MELTF: variants seen among roughly 807,000 people sequenced by gnomAD.
MELTF encodes melanotransferrin, also known as antigen p97 (melanoma associated) identified by monoclonal antibodies 133.2 and 96.5.
A neutral mutation model predicts 83.7 loss-of-function variants in MELTF; 67 were observed. That is an observed-to-expected ratio of 0.80 (90% CI 0.66 to 0.98). The LOEUF (loss-of-function observed/expected upper bound fraction) is 0.98. Ranked by LOEUF, MELTF falls within the 50% of genes least tolerant of loss-of-function variation. MELTF has a pLI of 0.00. For missense variants in MELTF, 1,002 were observed against 1,035.6 expected, an observed-to-expected ratio of 0.97 and a Z score of 0.44; for synonymous variants, 462 against 447.6, an observed-to-expected ratio of 1.03 and a Z score of -0.41.
chr3:197,015,190 G>A (rs950124589), intron 9 of MELTF, among the ~76,000 whole-genome samples, 175 bp downstream of exon 9: 1 of 152,202 alleles, frequency 6.6e-6, no homozygotes, highest in Non-Finnish European at 1.5e-5. Flanking sequence ...GCCTGTCTCT[G>A]TCCCCTGGGG....
chr3:197,026,625 A>G, intron 3 of MELTF, 35 bp downstream of exon 3: 1 of 1,585,890 alleles, frequency 6.3e-7, no homozygotes, highest in Non-Finnish European at 8.6e-7. Flanking sequence ...CTTCCAGCGC[A>G]GGCTGTCCTC....
At chr3:197,025,488 TTC>T (rs1235470504) in intron 3 of MELTF, 1 of 152,376 alleles carries the variant, frequency 6.6e-6, no homozygotes, top group East Asian at 1.9e-4. Context: ...AACCCTCGTT[TTC>T]TCTGTCCTGC....
intron 9 of MELTF, among the ~76,000 whole-genome samples, 153 bp from the exon 10 acceptor site, chr3:197,010,947 G>A (rs1719167126): frequency 6.6e-6 from 1 of 152,210 alleles, no homozygotes; most frequent in Admixed American, 6.5e-5. Flanking sequence ...ACCCCATCCT[G>A]GCAGTCTGTC....
rs564759720 is a variant in MELTF, at chr3:197,025,385, C to T, written c.305-900G>A. ...TCACCCGCCTTGTTTCTTACCAATC[C>T]TCTGGACCGCCTGAGATGGTTGCGG... On this transcript the variant is annotated intron_variant, in intron 3 of 15. Coordinates refer to ENST00000296350, the MANE Select transcript of MELTF (RefSeq NM_005929.6). Among the ~76,000 whole-genome samples the T allele has an allele frequency of 6.6e-5, 10 of 152,372 alleles. No individual in the cohort carries two copies. The East Asian group carries it at 1.3e-3, about 21-fold the overall frequency.
At chr3:197,027,393 C>G (rs1034336222) in intron 2 of MELTF, among the ~76,000 whole-genome samples, 1 of 152,260 alleles carries the variant, frequency 6.6e-6, no homozygotes, top group Admixed American at 6.5e-5. Context: ...GCTCCTCCTT[C>G]CCCAGAAACC....
rs1718801583 is a variant in MELTF, at chr3:197,002,981, C to A, written c.*391G>T. The stretch of plus-strand genomic sequence containing the variant: ...TGGCCGCGGCCTGCGGGTGTAGGCG[C>A]CTCGGCGGCCACCGCGTCCCCAGGG... On this transcript the variant is annotated 3_prime_UTR_variant, in exon 16 of 16. Coordinates refer to ENST00000296350, the MANE Select transcript of MELTF (RefSeq NM_005929.6). 1 of 150,606 alleles carries A rather than the reference C, an allele frequency of 6.6e-6. No individual in the cohort carries two copies. The highest frequency in any genetic ancestry group is 1.5e-5 in the Non-Finnish European group (1 of 67,518). The allele number at this position is 150,606 out of a possible 1,614,324, so 9.3% of individuals were successfully genotyped here. A position where few individuals can be genotyped will look rare whatever the true frequency, so the allele number is the denominator to read the frequency against.
intron 6 of MELTF, among the ~76,000 whole-genome samples, chr3:197,017,667 G>A (rs890342069): frequency 3.9e-5 from 6 of 152,154 alleles, no homozygotes; most frequent in Admixed American, 2.6e-4. Flanking sequence ...CACGAGGTCA[G>A]GAGATCAAGA....
chr3:197,003,181 G>T lies in MELTF; in HGVS notation c.*191C>A. 2 of 532,776 alleles carry T rather than the reference G, an allele frequency of 3.8e-6. No homozygotes were observed. The highest frequency in any genetic ancestry group is 2.1e-5 in the African/African-American group (1 of 48,346). The allele number at this position is 532,776 out of a possible 1,614,324, so 33.0% of individuals were successfully genotyped here. A position where few individuals can be genotyped will look rare whatever the true frequency, so the allele number is the denominator to read the frequency against. On this transcript the variant is annotated 3_prime_UTR_variant, in exon 16 of 16. Coordinates refer to ENST00000296350, the MANE Select transcript of MELTF (RefSeq NM_005929.6). This position sits in a 1 kb window ranked among gnomAD's most constrained non-coding sequence, Gnocchi z 6.2. ...GAGGCGGCGGTTGGCGGGAAGGGCC[G>T]CGCGGGCCCGGGGGCGGCGCCTCAG...
Position 197,022,822 on chromosome 3 carries a change from G to A in MELTF, c.644+135C>T. 1.2e-6 allele frequency: 1 copy of A among 804,544 alleles called. No homozygotes were observed. The highest frequency in any genetic ancestry group is 1.7e-5 in the South Asian group (1 of 58,948). 49.8% of individuals were successfully genotyped at this position (804,544 alleles called of 1,614,324 possible). ...TAACCAGGGCACAGAACTATATAAA[G>A]GGTGCTTTGATGAGACGCAGCCAAC... On this transcript the variant is annotated intron_variant, in intron 5 of 15. Coordinates refer to ENST00000296350, the MANE Select transcript of MELTF (RefSeq NM_005929.6). The surrounding 1 kb of genome is among the most constrained non-coding windows in gnomAD (Gnocchi z 5.1).
intron 9 of MELTF, among the ~76,000 whole-genome samples, chr3:197,012,145 G>A (rs1379720858): frequency 6.6e-6 from 1 of 152,176 alleles, no homozygotes; most frequent in African/African-American, 2.4e-5. Flanking sequence ...GAACACCCCC[G>A]CCTCGGGCCT....
At chr3:197,017,015 G>A in intron 7 of MELTF, 88 bp downstream of exon 7, 1 of 1,405,494 alleles carries the variant, frequency 7.1e-7, no homozygotes, top group Non-Finnish European at 9.8e-7. Flanking sequence ...TCTGGGTCCT[G>A]CCCCTCCTGG....
chr3:197,021,520 C>A (rs763098824), intron 5 of MELTF, 49 bp from the exon 6 acceptor site: 2 of 1,569,610 alleles, frequency 1.3e-6, no homozygotes, highest in South Asian at 1.1e-5. Context: ...CCTGCCCCTG[C>A]CCATCTTCCA....
At chr3:197,019,506 G>C (rs1400821382) in intron 6 of MELTF, 6 of 1,503,166 alleles carry the variant, frequency 4.0e-6, no homozygotes, top group Non-Finnish European at 5.4e-6. Context: ...AGGAGGCTGA[G>C]ATGCGAGGAT....
chr3:197,004,445 T>C (rs1718904742), intron 14 of MELTF: 8 of 361,452 alleles, frequency 2.2e-5, no homozygotes, highest in South Asian at 7.7e-5. Flanking sequence ...CTAGGCCTGC[T>C]GAGCACTTCT....
chr3:197,026,490 T>G, intron 3 of MELTF, 170 bp downstream of exon 3: 1 of 617,424 alleles, frequency 1.6e-6, no homozygotes, highest in Non-Finnish European at 2.9e-6. Flanking sequence ...TCCCTGGAGC[T>G]CCTGTCCCTG....
In MELTF at chr3:197,024,181, G is replaced by A. The variant is rs56046911; in HGVS notation, c.487+122C>T. On this transcript the variant is annotated intron_variant, in intron 4 of 15. Transcript: ENST00000296350. This position sits in a 1 kb window ranked among gnomAD's most constrained non-coding sequence, Gnocchi z 5.3. Reference sequence around the variant, plus strand: ...GCACGGGGCGGGCGGGGGCTGCTGCGCCTTCCAGGAATGAAGAATGGTGGC... The same window carrying A: ...GCACGGGGCGGGCGGGGGCTGCTGCACCTTCCAGGAATGAAGAATGGTGGC... 63,996 of 1,129,158 alleles carry A rather than the reference G, an allele frequency of 0.057. 2,220 individuals carry two copies. Among genetic ancestry groups the A allele is most frequent in the Non-Finnish European group, 0.068 (54,729 of 804,542 alleles). The allele number at this position is 1,129,158 out of a possible 1,614,324, so 69.9% of individuals were successfully genotyped here.
chr3:197,010,937 A>G, intron 9 of MELTF, 143 bp from the exon 10 acceptor site: 1 of 697,778 alleles, frequency 1.4e-6, no homozygotes, highest in Admixed American at 2.3e-5. Context: ...GGTGGGGAGT[A>G]CCCCATCCTG....
At position 197,006,496 on chromosome 3, in the gene MELTF, T is replaced by G; in HGVS notation, c.1938+53A>C. ...AGGTAGACTGAGGCCTCCCAGGGGC[T>G]CAGCTTACCTCTGCTGCACACCCCT... On this transcript the variant is annotated intron_variant, in intron 14 of 15. Transcript: ENST00000296350. This position sits in a 1 kb window ranked among gnomAD's most constrained non-coding sequence, Gnocchi z 5.4. 1 of 1,538,452 alleles carries G rather than the reference T, an allele frequency of 6.5e-7. No homozygotes were observed. The highest frequency in any genetic ancestry group is 1.4e-5 in the African/African-American group (1 of 72,254).
Position 197,029,545 on chromosome 3 carries a change from T to C in MELTF, c.49+109A>G, listed in dbSNP as rs1022923988. On this transcript the variant is annotated intron_variant, in intron 1 of 15. Transcript: ENST00000296350. This position sits in a 1 kb window ranked among gnomAD's most constrained non-coding sequence, Gnocchi z 6.5. Reference sequence around the variant, plus strand: ...CGAGCCCCTGCCTCCCCCGTCTCACTGCCCCGGAGCCGCAGGCTCAGGCAC... The same window carrying C: ...CGAGCCCCTGCCTCCCCCGTCTCACCGCCCCGGAGCCGCAGGCTCAGGCAC... 124 of 928,954 alleles carry C rather than the reference T, an allele frequency of 1.3e-4. No individual in the cohort carries two copies. Among genetic ancestry groups the C allele is most frequent in the Non-Finnish European group, 1.7e-4 (120 of 711,778 alleles). 57.5% of individuals were successfully genotyped at this position (928,954 alleles called of 1,614,324 possible).
Sources: allele counts gnomAD v4.1 joint callset (sites outside exome capture counted in the v4.1 genomes callset), GRCh38; gene constraint gnomAD v4.1.1; non-coding constraint Gnocchi (gnomAD v3.1); transcripts MANE v1.5; gene names NCBI Gene and HGNC (gene_info 2026-07-23, HGNC 2026-07-21).